GPR21: variants seen among roughly 807,000 people sequenced by gnomAD.
GPR21 encodes the protein probable G protein-coupled receptor 21.
A neutral mutation model predicts 21.5 loss-of-function variants in GPR21; 9 were observed. That is an observed-to-expected ratio of 0.42 (90% confidence interval 0.25 to 0.73). GPR21 has a LOEUF of 0.73. GPR21 is among the 30% of genes least tolerant of loss of function. The pLI is 0.27. For synonymous variants in GPR21, 169 were observed against 159.3 expected (o/e 1.06, Z -0.46); for missense variants, 416 against 428.9 (o/e 0.97, Z 0.27).
At chr9:123,046,343 T>A in the GPR21 span, among the ~76,000 whole-genome samples, 1 of 152,186 alleles carries the variant, frequency 6.6e-6, no homozygotes, top group South Asian at 2.1e-4. Flanking sequence ...GAGTTGGTCT[T>A]ATGCAGAAAA....
the GPR21 span, among the ~76,000 whole-genome samples, chr9:123,044,454 T>G: frequency 6.6e-6 from 1 of 152,214 alleles, no homozygotes; most frequent in Non-Finnish European, 1.5e-5. Context: ...AATGGAGTTT[T>G]GGGTCTTTAA....
At chr9:123,042,805 C>T in the GPR21 span, among the ~76,000 whole-genome samples, 13 of 152,070 alleles carry the variant, frequency 8.5e-5, no homozygotes, top group Non-Finnish European at 1.5e-4. Context: ...CTGAAAGATA[C>T]GTGTTTTCAT....
rs769004573 is a variant in GPR21, at chr9:123,035,243, G to A, written c.677G>A (p.Ser226Asn). Reference sequence around the variant, plus strand: ...TGCCAACAGCACACAAAGGATATCAGCGAAAGGCAAGCCCGCTTCAGCAGC... The same window carrying A: ...TGCCAACAGCACACAAAGGATATCAACGAAAGGCAAGCCCGCTTCAGCAGC... ...RICQQHTKDI[S>N]ERQARFSSQS... is the part of the protein sequence containing the mutation. Residue 226 changes from serine (S) to asparagine (N), a missense_variant, in exon 2 of 2, where the codon AGC (serine) becomes AAC (asparagine). By Grantham distance (46) the Ser-to-Asn change is conservative. Coordinates refer to ENST00000616002, the MANE Select transcript of GPR21 (RefSeq NM_005294.3). 3.1e-6 allele frequency: 5 copies of A among 1,614,170 alleles called. No homozygotes were observed. In the South Asian group the frequency reaches 3.3e-5, roughly 11 times the overall value.
downstream of GPR21, among the ~76,000 whole-genome samples, chr9:123,038,902 T>A (rs2032809709): frequency 6.6e-6 from 1 of 152,064 alleles, no homozygotes; most frequent in African/African-American, 2.4e-5. Flanking sequence ...AATAAAAAAA[T>A]GTAGGCTTCT....
In GPR21 at chr9:123,034,763, A is replaced by G. The variant is rs144345942; in HGVS notation, c.197A>G (p.Tyr66Cys). ...APLLNHHTTS[Y>C]FIQTMAYADL... The stretch of plus-strand genomic sequence containing the variant: ...TTGTTGAACCATCACACTACAAGTT[A>G]TTTTATCCAGACTATGGCATATGCT... The change falls in exon 2 of 2, where the codon TAT (tyrosine) becomes TGT (cysteine). Residue 66 changes from tyrosine to cysteine, a missense_variant. Transcript: ENST00000616002. The G allele has an allele frequency of 1.7e-5, 27 of 1,613,896 alleles. No homozygotes were observed. The Admixed American group carries it at 3.2e-4, about 19-fold the overall frequency.
chr9:123,043,413 T>TG, the GPR21 span, among the ~76,000 whole-genome samples: 9 of 151,998 alleles, frequency 5.9e-5, no homozygotes, highest in South Asian at 2.1e-4. Flanking sequence ...AGAATTTAGT[T>TG]TTGTGAGATT....
At chr9:123,047,707 T>A in the GPR21 span, among the ~76,000 whole-genome samples, 1 of 152,034 alleles carries the variant, frequency 6.6e-6, no homozygotes, top group Admixed American at 6.6e-5. Flanking sequence ...TTATAAAAAT[T>A]CAAAATTAAA....
rs146659098 is a variant in GPR21 at position 123,035,352 on chromosome 9, C to T, written c.786C>T (p.Tyr262=). The change falls in exon 2 of 2, where the codon TAC becomes TAT. Residue 262 remains tyrosine (Y), a synonymous_variant. Transcript: ENST00000616002. ...MVLFRITSVF[Y]ILWLPYIIYF... ...TGTTTCGAATCACTAGTGTATTTTA[C>T]ATCCTCTGGTTGCCATATATCATCT... 896 of 1,614,150 alleles carry T rather than the reference C, an allele frequency of 5.6e-4. 1 individual carries two copies. In the African/African-American group the frequency reaches 0.01, roughly 19 times the overall value.
downstream of GPR21, among the ~76,000 whole-genome samples, chr9:123,039,252 A>T (rs1359376410): frequency 6.6e-6 from 1 of 152,092 alleles, no homozygotes; most frequent in African/African-American, 2.4e-5. Context: ...ATCCTCCTAA[A>T]ATGACAGTAG....
the GPR21 span, among the ~76,000 whole-genome samples, chr9:123,046,619 G>A: frequency 6.6e-6 from 1 of 152,230 alleles, no homozygotes; most frequent in African/African-American, 2.4e-5. Flanking sequence ...GCTAATGCAT[G>A]TAAAGCTCTT....
At chr9:123,036,362 T>C (rs936623304), downstream of GPR21, among the ~76,000 whole-genome samples, 2 of 152,264 alleles carry the variant, frequency 1.3e-5, no homozygotes, top group African/African-American at 4.8e-5. Context: ...GTAGTACTTT[T>C]GCCCATGCCT....
At chr9:123,047,588 T>A in the GPR21 span, among the ~76,000 whole-genome samples, 12 of 152,186 alleles carry the variant, frequency 7.9e-5, no homozygotes, top group Non-Finnish European at 1.8e-4. Flanking sequence ...AGATAGCTTT[T>A]AAGTATTGTT....
the GPR21 span, among the ~76,000 whole-genome samples, chr9:123,045,416 C>T: frequency 9.0e-4 from 137 of 152,176 alleles, no homozygotes; most frequent in African/African-American, 2.3e-3. Context: ...TCCCCTTCTT[C>T]GTGGTATGTA....
Position 123,034,355 on chromosome 9 carries a change from G to A in GPR21, c.-212G>A. ...CGCGTCTGGGACTGGCCAGACAACT[G>A]CTGCTGGCTCTCCTTATTCCAGGAA... On this transcript the variant is annotated 5_prime_UTR_variant, in exon 2 of 2. Transcript: ENST00000616002. The A allele has an allele frequency of 1.8e-6, 1 of 569,800 alleles. No individual in the cohort carries two copies. Among genetic ancestry groups the A allele is most frequent in the Non-Finnish European group, 3.1e-6 (1 of 325,612 alleles). The allele number at this position is 569,800 out of a possible 1,614,324, so 35.3% of individuals were successfully genotyped here.
rs772129752 is a variant in GPR21, at chr9:123,035,565, C to T, written c.999C>T (p.Asn333=). The change falls in exon 2 of 2, where the codon AAC becomes AAT. Residue 333 remains asparagine (N), a synonymous_variant. Coordinates refer to ENST00000616002, the MANE Select transcript of GPR21 (RefSeq NM_005294.3). ...CTTGTGCAAGTCAGACTACAGCCAA[C>T]GACCCTTACACAGTTAGAAGCAAAG... is the stretch of plus-strand genomic sequence containing the variant. ...CTSCASQTTA[N]DPYTVRSKGP... 71 of 1,611,974 alleles carry T rather than the reference C, an allele frequency of 4.4e-5. No individual in the cohort carries two copies. In the East Asian group the frequency reaches 8.9e-4, roughly 20 times the overall value.
At chr9:123,042,708 CA>C in the GPR21 span, among the ~76,000 whole-genome samples, 1 of 151,970 alleles carries the variant, frequency 6.6e-6, no homozygotes, top group Non-Finnish European at 1.5e-5. Flanking sequence ...TCAGGGAACC[CA>C]ATAGCTGACT....
the GPR21 span, among the ~76,000 whole-genome samples, chr9:123,045,084 G>C: frequency 6.6e-6 from 1 of 152,168 alleles, no homozygotes; most frequent in Non-Finnish European, 1.5e-5. Flanking sequence ...CAAAACGACT[G>C]AATTAGCTTT....
At chr9:123,039,743 C>T (rs150206832), downstream of GPR21, among the ~76,000 whole-genome samples, 3 of 152,130 alleles carry the variant, frequency 2.0e-5, no homozygotes, top group Admixed American at 6.5e-5. Flanking sequence ...GTAGTTGGAT[C>T]ACACCTTCTT....
the GPR21 span, among the ~76,000 whole-genome samples, chr9:123,042,294 G>A: frequency 1.3e-5 from 2 of 152,164 alleles, no homozygotes; most frequent in Non-Finnish European, 2.9e-5. Flanking sequence ...CATGCACACA[G>A]AGCTCACAGT....
Sources: allele counts gnomAD v4.1 joint callset (sites outside exome capture counted in the v4.1 genomes callset), GRCh38; gene constraint gnomAD v4.1.1; transcripts MANE v1.5; gene names NCBI Gene and HGNC (gene_info 2026-07-23, HGNC 2026-07-21).